CCDC186: variants seen among roughly 807,000 people sequenced by gnomAD.
CCDC186 encodes the protein coiled-coil domain containing 186.
In CCDC186, 49 loss-of-function variants were observed where a neutral mutation model predicts 113.7. The ratio of observed to expected loss-of-function variants is 0.43; its 90% CI spans 0.34 to 0.55. The LOEUF is 0.55. CCDC186 is among the 20% of genes least tolerant of loss of function. The pLI, the probability that CCDC186 is intolerant of heterozygous loss-of-function variation, is 0.02. For missense variants in CCDC186, 890 were observed against 1,011.1 expected, an observed-to-expected ratio of 0.88 and a Z score of 1.62; for synonymous variants, 355 against 345.8, an observed-to-expected ratio of 1.03 and a Z score of -0.30.
At chr10:114,171,892 C>G (rs1238778511) in intron 1 of CCDC186, among the ~76,000 whole-genome samples, 1 of 152,172 alleles carries the variant, frequency 6.6e-6, no homozygotes, top group Non-Finnish European at 1.5e-5. Flanking sequence ...CCCTTCATCT[C>G]AGTATTTTTC....
intron 14 of CCDC186, among the ~76,000 whole-genome samples, chr10:114,127,178 T>C (rs567897796): frequency 3.3e-5 from 5 of 152,280 alleles, no homozygotes; most frequent in South Asian, 2.1e-4. Context: ...AATAAAAAGC[T>C]AAGTAAAGCA....
At chr10:114,149,394 T>G (rs2031741259) in intron 4 of CCDC186, among the ~76,000 whole-genome samples, 1 of 152,124 alleles carries the variant, frequency 6.6e-6, no homozygotes, top group Non-Finnish European at 1.5e-5. Flanking sequence ...CACAGGAAAC[T>G]GGCATCAGTG....
intron 1 of CCDC186, chr10:114,173,192 G>T (rs1489557071): frequency 2.2e-6 from 1 of 455,840 alleles, no homozygotes; most frequent in Non-Finnish European, 4.4e-6. Flanking sequence ...ATTTCCACAG[G>T]TAACAAGATT....
At chr10:114,133,894 C>T (rs2031171604) in intron 10 of CCDC186, among the ~76,000 whole-genome samples, 1 of 151,988 alleles carries the variant, frequency 6.6e-6, no homozygotes, top group African/African-American at 2.4e-5. Context: ...AGGGCAAAGC[C>T]ACAGGAGTTT....
intron 7 of CCDC186, among the ~76,000 whole-genome samples, chr10:114,136,900 C>T (rs11593457): frequency 0.072 from 10,881 of 152,100 alleles, 499 homozygotes; most frequent in Middle Eastern, 0.14. Context: ...GGGTGGCTCC[C>T]GAAGTCAGGA....
rs2030837331 is a variant in CCDC186, at chr10:114,124,820, G to T, written c.*323C>A. ...TTTTTGACATTACATATTTTAAAGG[G>T]AAGAAATATGAACAAAGGGTTTTTT... On this transcript the variant is annotated 3_prime_UTR_variant, in exon 16 of 16. Coordinates refer to ENST00000369287, the MANE Select transcript of CCDC186 (RefSeq NM_018017.4). 4.6e-6 allele frequency: 1 copy of T among 215,156 alleles called. No individual in the cohort carries two copies. The highest frequency in any genetic ancestry group is 9.1e-6 in the Non-Finnish European group (1 of 110,310). The allele number at this position is 215,156 out of a possible 1,614,324, so 13.3% of individuals were successfully genotyped here. A position where few individuals can be genotyped will look rare whatever the true frequency, so the allele number is the denominator to read the frequency against.
chr10:114,140,430 G>A (rs1056754366), intron 6 of CCDC186, among the ~76,000 whole-genome samples: 1 of 152,216 alleles, frequency 6.6e-6, no homozygotes, highest in African/African-American at 2.4e-5. Context: ...ATTGACATAG[G>A]AAAGCAATGG....
At chr10:114,147,036 T>C (rs1166290728) in intron 4 of CCDC186, among the ~76,000 whole-genome samples, 2 of 152,230 alleles carry the variant, frequency 1.3e-5, no homozygotes, top group African/African-American at 2.4e-5. Context: ...AGGGATATGA[T>C]AGGCCCCGAG....
intron 4 of CCDC186, among the ~76,000 whole-genome samples, chr10:114,149,822 AAGGC>A (rs1193994179): frequency 8.9e-5 from 10 of 112,964 alleles, no homozygotes; most frequent in East Asian, 2.6e-4. Flanking sequence ...GGAAGGCAGG[AAGGC>A]AGGAAGGCAG....
At chr10:114,154,222 AAAAAAG>A (rs1375677884) in intron 3 of CCDC186, among the ~76,000 whole-genome samples, 1 of 151,126 alleles carries the variant, frequency 6.6e-6, no homozygotes, top group Non-Finnish European at 1.5e-5. Context: ...AAAAAAAAAA[AAAAAAG>A]AAAAGAAAAA....
At chr10:114,153,314 T>G (rs1200981578) in intron 3 of CCDC186, among the ~76,000 whole-genome samples, 1 of 152,098 alleles carries the variant, frequency 6.6e-6, no homozygotes, top group Non-Finnish European at 1.5e-5. Flanking sequence ...TATGGGAAAT[T>G]CACAAATTTG....
intron 5 of CCDC186, among the ~76,000 whole-genome samples, chr10:114,144,953 C>T (rs185190907): frequency 1.8e-4 from 27 of 151,920 alleles, no homozygotes; most frequent in Middle Eastern, 3.4e-3. Context: ...GACAATATTC[C>T]TGAACTAAAA....
chr10:114,136,247 C>A lies in CCDC186; in HGVS notation c.1327-1G>T, dbSNP rs1466763519. 6.2e-7 allele frequency: 1 copy of A among 1,605,904 alleles called. No homozygotes were observed. The highest frequency in any genetic ancestry group is 8.5e-7 in the Non-Finnish European group (1 of 1,177,308). On this transcript the variant is annotated splice_acceptor_variant, in intron 7 of 15. Coordinates refer to ENST00000369287, the MANE Select transcript of CCDC186 (RefSeq NM_018017.4). LOFTEE classifies it high-confidence loss of function. ...CATTTGATTTAATTTCTTCTGACTC[C>A]TAGTGGAAAGAAAACAAAAAAAGTG...
chr10:114,127,536 G>A lies in CCDC186; in HGVS notation c.2318C>T (p.Ala773Val). 1 of 1,613,782 alleles carries A rather than the reference G, an allele frequency of 6.2e-7. No homozygotes were observed. The highest frequency in any genetic ancestry group is 8.5e-7 in the Non-Finnish European group (1 of 1,179,946). Residue 773 changes from alanine to valine, a missense_variant, in exon 14 of 16, where the codon GCC (alanine) becomes GTC (valine). By Grantham distance (64) the Ala-to-Val change is moderately conservative. Transcript: ENST00000369287. ...AAATTCTATCTTTTCATTTTTCCGG[G>A]CATGTGCTTTTTGCAGCCTAACTAT... The part of the protein sequence containing the change: ...ERIVRLQKAH[A>V]RKNEKIEFME...
chr10:114,129,748 T>G, intron 13 of CCDC186, 143 bp downstream of exon 13: 1 of 604,562 alleles, frequency 1.7e-6, no homozygotes, highest in South Asian at 1.9e-5. Flanking sequence ...CAGACTGGTC[T>G]TGAACTTCTG....
chr10:114,154,001 C>A (rs1564914666), intron 3 of CCDC186, among the ~76,000 whole-genome samples: 1 of 151,348 alleles, frequency 6.6e-6, no homozygotes, highest in Non-Finnish European at 1.5e-5. Flanking sequence ...CTTGAGCTCA[C>A]AAGTTCGAGA....
intron 3 of CCDC186, among the ~76,000 whole-genome samples, chr10:114,153,704 T>C (rs530940476): frequency 2.0e-5 from 3 of 150,526 alleles, no homozygotes; most frequent in African/African-American, 2.5e-5. Flanking sequence ...GAGAATCGCT[T>C]GAACTCAGGA....
intron 6 of CCDC186, among the ~76,000 whole-genome samples, chr10:114,140,765 T>C (rs1301706074): frequency 2.6e-5 from 4 of 152,224 alleles, no homozygotes; most frequent in Admixed American, 2.6e-4. Flanking sequence ...TCTGTTTTTT[T>C]TCTCTTTCAT....
At position 114,132,431 on chromosome 10, in the gene CCDC186, T is replaced by G. The variant is rs2031118180; in HGVS notation, c.1656-247A>C. Among the ~76,000 whole-genome samples the G allele has an allele frequency of 1.3e-5, 2 of 152,312 alleles. 1 individual carries two copies. The highest frequency in any genetic ancestry group is 4.1e-4 in the South Asian group (2 of 4,830). Reference sequence around the variant, plus strand: ...AAATTATATGTGTAAAAAAACATTTTTTATGATAAAAGCACAGAGTGGGTT... The same window carrying G: ...AAATTATATGTGTAAAAAAACATTTGTTATGATAAAAGCACAGAGTGGGTT... On this transcript the variant is annotated intron_variant, in intron 10 of 15. Transcript: ENST00000369287.
Sources: gnomAD v4.1 joint callset for allele counts (sites outside exome capture counted in the v4.1 genomes callset) on GRCh38, gnomAD v4.1.1 for gene constraint, MANE v1.5 for transcripts, NCBI Gene and HGNC (gene_info 2026-07-23, HGNC 2026-07-21) for gene names.